Variants in ASTN2 observed in about 807,000 individuals in gnomAD.
ASTN2 encodes the protein astrotactin-2.
A neutral mutation model predicts 139.8 loss-of-function variants in ASTN2; 54 were observed. That is an observed-to-expected ratio of 0.39 (90% CI 0.31 to 0.48). The LOEUF (loss-of-function observed/expected upper bound fraction) is 0.48. ASTN2 is among the 20% of genes least tolerant of loss of function. ASTN2 has a pLI of 0.95. For missense variants in ASTN2, 1,565 were observed against 1,725.1 expected, an observed-to-expected ratio of 0.91 and a Z score of 1.64; for synonymous variants, 756 against 719.5, an observed-to-expected ratio of 1.05 and a Z score of -0.81.
intron 3 of ASTN2, among the ~76,000 whole-genome samples, chr9:117,153,548 C>G (rs369819166): frequency 6.6e-6 from 1 of 152,158 alleles, no homozygotes. Flanking sequence ...GCAAACAGAG[C>G]TTAATTAATT....
intron 7 of ASTN2, among the ~76,000 whole-genome samples, chr9:116,982,918 G>T (rs2132537805): frequency 6.6e-6 from 1 of 152,258 alleles, no homozygotes. Context: ...CAAGGCATAA[G>T]CCAGAGGCCG....
At chr9:116,656,910 A>G (rs1195163731) in intron 16 of ASTN2, among the ~76,000 whole-genome samples, 1 of 152,186 alleles carries the variant, frequency 6.6e-6, no homozygotes. Context: ...TGCTTTGGCA[A>G]TAGGTTTGCA....
intron 19 of ASTN2, among the ~76,000 whole-genome samples, chr9:116,511,892 C>A (rs188256958): frequency 6.6e-6 from 1 of 152,178 alleles, no homozygotes; most frequent in Admixed American, 6.5e-5. Flanking sequence ...ATTCTTCTCT[C>A]TTTTGTTCTT....
rs765765337 is a variant in ASTN2, at chr9:117,141,340, C to T, written c.1154G>A (p.Arg385Lys). ...GGAGGGCCTACCTCGAGACTTGCTC[C>T]TCCGCTTCCTCTTCCCTGCCGATGT... The part of the protein sequence containing the change: ...RSTSAGKRKR[R>K]SKSRGGISFG... Residue 385 changes from arginine (R) to lysine (K), a missense_variant, in exon 4 of 23, where the codon AGG (arginine) becomes AAG (lysine). Transcript: ENST00000313400. 2 of 1,367,366 alleles carry T rather than the reference C, an allele frequency of 1.5e-6. No individual in the cohort carries two copies. The highest frequency in any genetic ancestry group is 1.1e-5 in the South Asian group (1 of 88,010). 84.7% of individuals were successfully genotyped at this position (1,367,366 alleles called of 1,614,324 possible).
Position 117,045,975 on chromosome 9 carries a change from TGTATGTACGTACGTAC to T in ASTN2, c.1277-6026_1277-6011del, listed in dbSNP as rs1381963027. Among the ~76,000 whole-genome samples the T allele has an allele frequency of 1.3e-4, 13 of 102,156 alleles. No individual in the cohort carries two copies. In the East Asian group the frequency reaches 2.5e-3, roughly 20 times the overall value. The allele number at this position is 102,156 out of a possible 152,430, so 67.0% of individuals were successfully genotyped here. A position where few individuals can be genotyped will look rare whatever the true frequency, so the allele number is the denominator to read the frequency against. ...GCTTTTGTATGTATGTATGTATGTATGTATGTACGTACGTACGTATGTATGTATGTATGTATGTATG... is the reference window on the plus strand; with the variant it reads ...GCTTTTGTATGTATGTATGTATGTATGTATGTATGTATGTATGTATGTATG... On this transcript the variant is annotated intron_variant, in intron 5 of 22. Coordinates refer to ENST00000313400, the MANE Select transcript of ASTN2 (RefSeq NM_001365068.1).
intron 5 of ASTN2, among the ~76,000 whole-genome samples, chr9:117,048,147 C>G (rs1339938155): frequency 6.6e-6 from 1 of 152,154 alleles, no homozygotes. Context: ...TAGATGTAGC[C>G]TGGGCAGAGC....
In ASTN2 at chr9:117,025,963, C is replaced by T. The variant is rs188758561; in HGVS notation, c.1423+13856G>A. ...TATTTTTAGTAGAGACAGGGTTTCA[C>T]TGTGTTGGTCAGGCTGGTCTCGAAC... On this transcript the variant is annotated intron_variant, in intron 6 of 22. Transcript: ENST00000313400. Among the ~76,000 whole-genome samples the T allele has an allele frequency of 1.1e-4, 16 of 151,986 alleles. No homozygotes were observed. In the East Asian group the frequency reaches 2.9e-3, roughly 28 times the overall value.
chr9:116,578,085 G>C (rs948564904), intron 19 of ASTN2, among the ~76,000 whole-genome samples: 1 of 152,168 alleles, frequency 6.6e-6, no homozygotes, highest in Non-Finnish European at 1.5e-5. Flanking sequence ...CTACAGAGTG[G>C]AAAGTGAACC....
At chr9:117,006,440 C>T (rs1837356080) in intron 7 of ASTN2, among the ~76,000 whole-genome samples, 1 of 152,146 alleles carries the variant, frequency 6.6e-6, no homozygotes, top group Admixed American at 6.5e-5. Flanking sequence ...ATTCTATTCT[C>T]AGTAATAAAT....
chr9:117,203,931 C>T (rs967773976), intron 3 of ASTN2, among the ~76,000 whole-genome samples: 3 of 152,106 alleles, frequency 2.0e-5, no homozygotes, highest in African/African-American at 7.2e-5. Flanking sequence ...CTGGGCTGCC[C>T]GGATTCATCA....
intron 19 of ASTN2, among the ~76,000 whole-genome samples, chr9:116,563,914 A>T (rs573217202): frequency 1.3e-5 from 2 of 152,310 alleles, no homozygotes; most frequent in South Asian, 4.1e-4. Context: ...CTCAATAGAT[A>T]TTTGTTGAAT....
At chr9:117,055,617 C>T (rs10119895) in intron 5 of ASTN2, among the ~76,000 whole-genome samples, 73,954 of 152,008 alleles carry the variant, frequency 0.49, 18,372 homozygotes, top group East Asian at 0.72. Context: ...GATATTTACA[C>T]GAGAGGAGGC....
chr9:116,948,425 A>G (rs934532315), intron 10 of ASTN2, among the ~76,000 whole-genome samples: 1 of 152,170 alleles, frequency 6.6e-6, no homozygotes, highest in Non-Finnish European at 1.5e-5. Context: ...AGTGTCCCCA[A>G]GCTAACTCCT....
chr9:117,181,291 A>C, intron 3 of ASTN2: 1 of 439,370 alleles, frequency 2.3e-6, no homozygotes, highest in South Asian at 2.7e-5. Context: ...ACTGAAGCCC[A>C]GAGATGTCAA....
intron 16 of ASTN2, among the ~76,000 whole-genome samples, chr9:116,702,508 A>C (rs1479079086): frequency 6.6e-6 from 1 of 152,068 alleles, no homozygotes; most frequent in East Asian, 1.9e-4. Context: ...TTATCTGTCC[A>C]TATATTTGAG....
intron 1 of ASTN2, among the ~76,000 whole-genome samples, chr9:117,339,934 G>T (rs1300800948): frequency 6.6e-6 from 1 of 151,586 alleles, no homozygotes; most frequent in African/African-American, 2.4e-5. Context: ...ATTTAAAGAG[G>T]CCCACATGAT....
chr9:116,805,603 C>G (rs1831009133), intron 13 of ASTN2, 29 bp downstream of exon 13: 1 of 1,602,226 alleles, frequency 6.2e-7, no homozygotes, highest in African/African-American at 1.3e-5. Flanking sequence ...GTGACTCAGA[C>G]AAGCAATGTG....
intron 19 of ASTN2, among the ~76,000 whole-genome samples, chr9:116,544,274 G>C (rs150171001): frequency 6.6e-6 from 1 of 152,076 alleles, no homozygotes; most frequent in African/African-American, 2.4e-5. Flanking sequence ...CAGATATTTG[G>C]GGGAGGAGAT....
chr9:116,747,861 T>C (rs1312264898), intron 13 of ASTN2, among the ~76,000 whole-genome samples: 1 of 152,172 alleles, frequency 6.6e-6, no homozygotes, highest in African/African-American at 2.4e-5. Flanking sequence ...GGCATGGCTG[T>C]TACTAACTCC....
Sources: allele counts gnomAD v4.1 joint callset (sites outside exome capture counted in the v4.1 genomes callset), GRCh38; gene constraint gnomAD v4.1.1; transcripts MANE v1.5; gene names NCBI Gene and HGNC (gene_info 2026-07-23, HGNC 2026-07-21).